KIAA0232: variants seen among roughly 807,000 people sequenced by gnomAD.
KIAA0232 encodes the protein KIAA0232.
A neutral mutation model predicts 122.0 loss-of-function variants in KIAA0232; 27 were observed. The ratio of observed to expected loss-of-function variants is 0.22; its 90% CI spans 0.16 to 0.31. KIAA0232 has a LOEUF of 0.31. Among genes scored for constraint, KIAA0232 ranks in the 10% least tolerant of loss-of-function variants. KIAA0232 has a pLI of 1.00. For missense variants in KIAA0232, 1,551 were observed against 1,634.2 expected (o/e 0.95, Z 0.88); for synonymous variants, 613 against 587.6 (o/e 1.04, Z -0.63).
intron 9 of KIAA0232, among the ~76,000 whole-genome samples, chr4:6,878,379 TCATACATA>T (rs112843703): frequency 6.7e-5 from 10 of 149,198 alleles, no homozygotes; most frequent in Non-Finnish European, 1.0e-4. Context: ...CATCATTCAT[TCATACATA>T]CATACATACA....
intron 3 of KIAA0232, among the ~76,000 whole-genome samples, chr4:6,829,020 T>A (rs1269980862): frequency 6.6e-6 from 1 of 151,940 alleles, no homozygotes; most frequent in Non-Finnish European, 1.5e-5. Flanking sequence ...ATGCATCGAC[T>A]TTAATGGCCA....
chr4:6,832,320 A>G (rs1425986710), intron 3 of KIAA0232, among the ~76,000 whole-genome samples: 1 of 146,462 alleles, frequency 6.8e-6, no homozygotes, highest in Non-Finnish European at 1.5e-5. Context: ...TGTCTCCCCT[A>G]CTGGCATATG....
rs1720949502 is a variant in KIAA0232 at position 6,862,803 on chromosome 4, T to C, written c.2421T>C (p.Thr807=). 6.2e-7 allele frequency: 1 copy of C among 1,614,122 alleles called. No individual in the cohort carries two copies. The change falls in exon 7 of 10, where the codon ACT becomes ACC. Residue 807 remains threonine (T), a synonymous_variant. Transcript: ENST00000307659. The stretch of plus-strand genomic sequence containing the variant: ...AAACAGAAAACAAAAATTTTGAAAC[T>C]ACACAAGTATGTAATGAAAGTCCAC... ...EQKTENKNFE[T]TQVCNESPHG... is the part of the protein sequence containing the mutation.
At chr4:6,825,668 T>C (rs1378703250) in intron 3 of KIAA0232, among the ~76,000 whole-genome samples, 1 of 152,150 alleles carries the variant, frequency 6.6e-6, no homozygotes, top group Non-Finnish European at 1.5e-5. Flanking sequence ...TAAGAGGAGC[T>C]ACTGAAAGTG....
At chr4:6,799,387 C>A (rs1011287965) in intron 1 of KIAA0232, among the ~76,000 whole-genome samples, 1 of 151,196 alleles carries the variant, frequency 6.6e-6, no homozygotes, top group Non-Finnish European at 1.5e-5. Flanking sequence ...CTTGAACATA[C>A]CTTTTTTGGG....
At chr4:6,841,630 C>T (rs1719667659) in intron 3 of KIAA0232, among the ~76,000 whole-genome samples, 1 of 152,042 alleles carries the variant, frequency 6.6e-6, no homozygotes, top group South Asian at 2.1e-4. Context: ...AAGTAAGACT[C>T]TAGTCACATA....
At chr4:6,794,645 G>A (rs1717052398) in intron 1 of KIAA0232, among the ~76,000 whole-genome samples, 1 of 152,188 alleles carries the variant, frequency 6.6e-6, no homozygotes. Context: ...GAAAGATGTG[G>A]AGATACCTGA....
intron 4 of KIAA0232, among the ~76,000 whole-genome samples, chr4:6,845,672 A>C (rs184734425): frequency 1.3e-5 from 2 of 152,258 alleles, no homozygotes; most frequent in East Asian, 3.9e-4. Context: ...TTATAGTCGG[A>C]AAGAAAATAT....
chr4:6,796,550 C>G (rs961003539), intron 1 of KIAA0232, among the ~76,000 whole-genome samples: 1 of 152,136 alleles, frequency 6.6e-6, no homozygotes, highest in Admixed American at 6.5e-5. Context: ...CCATATTGTT[C>G]TTTTTTAAGT....
chr4:6,809,529 T>C (rs1717781638), intron 2 of KIAA0232, among the ~76,000 whole-genome samples: 1 of 152,170 alleles, frequency 6.6e-6, no homozygotes, highest in Admixed American at 6.5e-5. Flanking sequence ...CAATCCAGGA[T>C]GAACACATAG....
chr4:6,867,730 C>T (rs1337939819), intron 7 of KIAA0232, among the ~76,000 whole-genome samples: 1 of 152,180 alleles, frequency 6.6e-6, no homozygotes, highest in East Asian at 1.9e-4. Flanking sequence ...CCACCCGGCA[C>T]ATCTATGTAG....
At chr4:6,789,132 C>T (rs376530190) in intron 1 of KIAA0232, among the ~76,000 whole-genome samples, 5 of 152,008 alleles carry the variant, frequency 3.3e-5, no homozygotes, top group East Asian at 3.9e-4. Flanking sequence ...CCACAACGCC[C>T]GGCTAATTTT....
chr4:6,799,480 C>G (rs990448101), intron 1 of KIAA0232, among the ~76,000 whole-genome samples: 4 of 151,734 alleles, frequency 2.6e-5, no homozygotes, highest in Non-Finnish European at 5.9e-5. Context: ...TCAAATTCAT[C>G]TCTTTACATT....
At chr4:6,803,239 A>T (rs1717470888) in intron 1 of KIAA0232, among the ~76,000 whole-genome samples, 1 of 150,990 alleles carries the variant, frequency 6.6e-6, no homozygotes, top group Non-Finnish European at 1.5e-5. Context: ...GGACTTTCTC[A>T]TATAAATTGA....
chr4:6,820,236 C>CCGTA (rs1191829117), intron 2 of KIAA0232, among the ~76,000 whole-genome samples: 1 of 152,082 alleles, frequency 6.6e-6, no homozygotes. Flanking sequence ...TGCACACGTA[C>CCGTA]CCCCTGAATC....
chr4:6,791,530 C>CA (rs1716894008), intron 1 of KIAA0232, among the ~76,000 whole-genome samples: 1 of 151,504 alleles, frequency 6.6e-6, no homozygotes, highest in Non-Finnish European at 1.5e-5. Flanking sequence ...GGTTTTACCA[C>CA]GTTACCCAGG....
chr4:6,868,831 G>C (rs190538274), intron 7 of KIAA0232, among the ~76,000 whole-genome samples: 11 of 152,238 alleles, frequency 7.2e-5, no homozygotes, highest in African/African-American at 2.2e-4. Flanking sequence ...AGTATAAAAC[G>C]GGACAAATAA....
chr4:6,798,346 C>T (rs772868065), intron 1 of KIAA0232, among the ~76,000 whole-genome samples: 1 of 152,144 alleles, frequency 6.6e-6, no homozygotes, highest in Non-Finnish European at 1.5e-5. Context: ...CTATAGAGAG[C>T]CTAGGTACTT....
intron 1 of KIAA0232, among the ~76,000 whole-genome samples, chr4:6,799,828 G>C (rs964093551): frequency 5.3e-5 from 8 of 150,204 alleles, no homozygotes; most frequent in Non-Finnish European, 1.0e-4. Context: ...CCAGGTAGCT[G>C]GGACTACAGG....
Sources: allele counts gnomAD v4.1 joint callset (sites outside exome capture counted in the v4.1 genomes callset), GRCh38; gene constraint gnomAD v4.1.1; transcripts MANE v1.5; gene names NCBI Gene and HGNC (gene_info 2026-07-23, HGNC 2026-07-21).